KIAA1958: variants seen among roughly 807,000 people sequenced by gnomAD.
KIAA1958 encodes the protein KIAA1958, also known as uncharacterized protein KIAA1958.
In KIAA1958, 14 loss-of-function variants were observed where a neutral mutation model predicts 47.2. That is an observed-to-expected ratio of 0.30 (90% CI 0.20 to 0.46). The LOEUF (loss-of-function observed/expected upper bound fraction) is 0.46, where lower values mean the gene tolerates loss of function less well. Among genes scored for constraint, KIAA1958 ranks in the 20% least tolerant of loss-of-function variants. The pLI is 1.00. For missense variants in KIAA1958, 803 were observed against 909.2 expected (o/e 0.88, Z 1.50); for synonymous variants, 354 against 353.3 (o/e 1.00, Z -0.02).
At chr9:112,608,056 G>A (rs1454617578) in intron 2 of KIAA1958, among the ~76,000 whole-genome samples, 1 of 152,192 alleles carries the variant, frequency 6.6e-6, no homozygotes, top group Admixed American at 6.5e-5. Flanking sequence ...GAGATGGAGA[G>A]TGGCAAAACA....
intron 2 of KIAA1958, among the ~76,000 whole-genome samples, chr9:112,580,418 G>A (rs1835716381): frequency 6.6e-6 from 1 of 151,538 alleles, no homozygotes; most frequent in Non-Finnish European, 1.5e-5. Flanking sequence ...ACATATATAT[G>A]TATATATATA....
At position 112,626,290 on chromosome 9, in the gene KIAA1958, A is replaced by C. The variant is rs563700163; in HGVS notation, c.1172-19360A>C. On this transcript the variant is annotated intron_variant, in intron 2 of 3. Transcript: ENST00000337530. ...AGCATAAATATTTAAACGTTTCACA[A>C]ATTTTTATTTTACAAATCATATTTA... is the stretch of plus-strand genomic sequence containing the variant. 3.3e-5 allele frequency among the ~76,000 whole-genome samples: 5 copies of C among 152,298 alleles called. No individual in the cohort carries two copies. In the East Asian group the frequency reaches 9.6e-4, roughly 29 times the overall value.
At chr9:112,551,403 A>G (rs971009303) in intron 1 of KIAA1958, among the ~76,000 whole-genome samples, 3 of 152,230 alleles carry the variant, frequency 2.0e-5, no homozygotes, top group African/African-American at 4.8e-5. Context: ...TGCACTTAGT[A>G]TAATGTCTTT....
rs1833866849 is a variant in KIAA1958, at chr9:112,487,068, G to C, written c.-75G>C. 3 of 222,408 alleles carry C rather than the reference G, an allele frequency of 1.3e-5. No homozygotes were observed. The highest frequency in any genetic ancestry group is 1.8e-5 in the Non-Finnish European group (2 of 109,450). The allele number at this position is 222,408 out of a possible 1,614,324, so 13.8% of individuals were successfully genotyped here. A position where few individuals can be genotyped will look rare whatever the true frequency, so the allele number is the denominator to read the frequency against. ...AGCCCGGGCTGCCCGGCTCTCGCAG[G>C]CCCCCCCGCGCCGACCGCGTTCCTA... On this transcript the variant is annotated 5_prime_UTR_variant, in exon 1 of 4. Coordinates refer to ENST00000337530, the MANE Select transcript of KIAA1958 (RefSeq NM_133465.4).
At chr9:112,602,672 C>T (rs1259359239) in intron 2 of KIAA1958, among the ~76,000 whole-genome samples, 3 of 152,038 alleles carry the variant, frequency 2.0e-5, no homozygotes, top group Non-Finnish European at 4.4e-5. Context: ...TGATGGCCAA[C>T]GGGTCCTTAA....
chr9:112,592,836 T>C (rs966449106), intron 2 of KIAA1958, among the ~76,000 whole-genome samples: 1 of 152,186 alleles, frequency 6.6e-6, no homozygotes, highest in South Asian at 2.1e-4. Flanking sequence ...TTTCAGGTAA[T>C]GGGACAACGG....
chr9:112,538,918 G>A (rs1221273057), intron 1 of KIAA1958, among the ~76,000 whole-genome samples: 1 of 152,146 alleles, frequency 6.6e-6, no homozygotes, highest in East Asian at 1.9e-4. Context: ...GTGAAGATAT[G>A]CAAATGGTCA....
At chr9:112,494,958 T>C (rs1410542503) in intron 1 of KIAA1958, among the ~76,000 whole-genome samples, 1 of 152,130 alleles carries the variant, frequency 6.6e-6, no homozygotes, top group African/African-American at 2.4e-5. Flanking sequence ...AAAAATTTTT[T>C]CCCCTTTTTT....
At position 112,665,894 on chromosome 9, in the gene KIAA1958, C is replaced by T. The variant is rs1340744183; in HGVS notation, c.*5825C>T. On this transcript the variant is annotated 3_prime_UTR_variant, in exon 4 of 4. Transcript: ENST00000337530. ...GTAAAGGAGTTCCTAACTTACGCAA[C>T]AATTACATGCTCAGGTTTTTTACTT... 1 of 152,152 alleles carries T rather than the reference C, an allele frequency of 6.6e-6. No individual in the cohort carries two copies. The highest frequency in any genetic ancestry group is 1.5e-5 in the Non-Finnish European group (1 of 68,024). The allele number at this position is 152,152 out of a possible 1,614,324, so 9.4% of individuals were successfully genotyped here.
chr9:112,586,164 A>C (rs772241588), intron 2 of KIAA1958, among the ~76,000 whole-genome samples: 27 of 152,246 alleles, frequency 1.8e-4, no homozygotes, highest in Non-Finnish European at 2.9e-4. Flanking sequence ...CCTTTAGATA[A>C]GACATTTATC....
At chr9:112,573,153 G>A (rs1168533695) in intron 1 of KIAA1958, among the ~76,000 whole-genome samples, 1 of 152,052 alleles carries the variant, frequency 6.6e-6, no homozygotes, top group Non-Finnish European at 1.5e-5. Flanking sequence ...CACTCCTCAG[G>A]GACTCCTAAC....
chr9:112,570,393 C>A lies in KIAA1958; in HGVS notation c.-24-3664C>A, dbSNP rs1835511503. On this transcript the variant is annotated intron_variant, in intron 1 of 3. Coordinates refer to ENST00000337530, the MANE Select transcript of KIAA1958 (RefSeq NM_133465.4). ...ACTTTTGGCCTGTGTTTTCTGTGAT[C>A]TTTGAAACACTTGCTGCACTTGTAT... Among the ~76,000 whole-genome samples the A allele has an allele frequency of 2.0e-5, 3 of 152,280 alleles. No homozygotes were observed. In the South Asian group the frequency reaches 6.2e-4, roughly 32 times the overall value.
intron 1 of KIAA1958, among the ~76,000 whole-genome samples, chr9:112,568,144 G>A (rs1187008499): frequency 6.6e-6 from 1 of 151,932 alleles, no homozygotes; most frequent in Admixed American, 6.6e-5. Context: ...TTTGCAAACG[G>A]AAACACTCAG....
Position 112,618,092 on chromosome 9 carries a change from T to C in KIAA1958, c.1172-27558T>C. 1 of 1,550,612 alleles carries C rather than the reference T, an allele frequency of 6.4e-7. No homozygotes were observed. The highest frequency in any genetic ancestry group is 8.7e-7 in the Non-Finnish European group (1 of 1,146,998). Reference sequence around the variant, plus strand: ...TGGGTCCGAATACGAACCCAACAGCTTGGCCAATTACCAGTGTGGGCTCGA... The same window carrying C: ...TGGGTCCGAATACGAACCCAACAGCCTGGCCAATTACCAGTGTGGGCTCGA... On this transcript the variant is annotated intron_variant, in intron 2 of 3. Coordinates refer to ENST00000337530, the MANE Select transcript of KIAA1958 (RefSeq NM_133465.4). The surrounding 1 kb of genome is among the most constrained non-coding windows in gnomAD (Gnocchi z 7.1).
intron 1 of KIAA1958, among the ~76,000 whole-genome samples, chr9:112,564,253 C>T (rs1350786708): frequency 6.6e-6 from 1 of 152,180 alleles, no homozygotes; most frequent in Non-Finnish European, 1.5e-5. Context: ...ACCAGTGAAA[C>T]CACCTGAGCC....
intron 1 of KIAA1958, among the ~76,000 whole-genome samples, chr9:112,561,094 G>A (rs1387307622): frequency 7.2e-6 from 1 of 138,570 alleles, no homozygotes; most frequent in Non-Finnish European, 1.5e-5. Context: ...TTGCTCTGTT[G>A]CCCAGGCTGG....
intron 1 of KIAA1958, among the ~76,000 whole-genome samples, chr9:112,513,625 C>G (rs994394877): frequency 1.5e-5 from 2 of 130,242 alleles, no homozygotes; most frequent in African/African-American, 2.9e-5. Context: ...CGCCGCCGCC[C>G]GACCGCCGGG....
intron 2 of KIAA1958, among the ~76,000 whole-genome samples, chr9:112,591,965 T>C (rs1835930817): frequency 6.6e-6 from 1 of 152,208 alleles, no homozygotes; most frequent in Non-Finnish European, 1.5e-5. Flanking sequence ...GGGGTTCTTA[T>C]CCCTGACGCA....
chr9:112,597,784 G>A (rs1394762612), intron 2 of KIAA1958, among the ~76,000 whole-genome samples: 2 of 151,988 alleles, frequency 1.3e-5, no homozygotes, highest in African/African-American at 4.8e-5. Context: ...TTCTAGAAAT[G>A]AAAAAGGAGA....
Sources: gnomAD v4.1 joint callset for allele counts (sites outside exome capture counted in the v4.1 genomes callset) on GRCh38, gnomAD v4.1.1 for gene constraint, Gnocchi (gnomAD v3.1) non-coding constraint, MANE v1.5 for transcripts, NCBI Gene and HGNC (gene_info 2026-07-23, HGNC 2026-07-21) for gene names.